Variants in PACRG observed in about 807,000 individuals in gnomAD.
The protein encoded by PACRG is parkin coregulated, also known as parkin coregulated gene protein.
In PACRG, 29 loss-of-function variants were observed where a neutral mutation model predicts 29.7. The ratio of observed to expected loss-of-function variants is 0.98; its 90% CI spans 0.73 to 1.33. The LOEUF (loss-of-function observed/expected upper bound fraction) is 1.33. PACRG is among the 40% of genes most tolerant of loss of function. The pLI, the probability that PACRG is intolerant of heterozygous loss-of-function variation, is 0.00. For synonymous variants in PACRG, 116 were observed against 118.7 expected, an observed-to-expected ratio of 0.98 and a Z score of 0.15; for missense variants, 279 against 316.2, an observed-to-expected ratio of 0.88 and a Z score of 0.89.
chr6:162,743,001 G>A (rs1391844934), intron 1 of PACRG, among the ~76,000 whole-genome samples: 1 of 152,138 alleles, frequency 6.6e-6, no homozygotes, highest in Admixed American at 6.5e-5. Context: ...CAGTGTGCAA[G>A]GGTTCCCATT....
intron 1 of PACRG, among the ~76,000 whole-genome samples, chr6:162,810,610 AACCAAATAG>A (rs1442939180): frequency 4.6e-5 from 7 of 152,342 alleles, no homozygotes; most frequent in Non-Finnish European, 1.0e-4. Flanking sequence ...TATAAAGATG[AACCAAATAG>A]AAATTGTAGA....
intron 2 of PACRG, among the ~76,000 whole-genome samples, chr6:162,983,417 T>C (rs958145039): frequency 6.6e-6 from 1 of 152,002 alleles, no homozygotes; most frequent in Non-Finnish European, 1.5e-5. Flanking sequence ...GTGAGATTTA[T>C]GCTTCAGGAG....
intron 4 of PACRG, among the ~76,000 whole-genome samples, chr6:163,279,165 C>G (rs982006085): frequency 1.3e-5 from 2 of 152,170 alleles, no homozygotes; most frequent in Admixed American, 6.5e-5. Flanking sequence ...AGCAGAGCTA[C>G]TGATTTGTGT....
intron 2 of PACRG, among the ~76,000 whole-genome samples, chr6:162,986,262 T>A (rs901264382): frequency 1.3e-5 from 2 of 152,116 alleles, no homozygotes; most frequent in African/African-American, 4.8e-5. Context: ...AAAGCAGGAC[T>A]AAGCAAAAAG....
chr6:163,144,781 A>G (rs1777729075), intron 4 of PACRG, among the ~76,000 whole-genome samples: 2 of 152,186 alleles, frequency 1.3e-5, no homozygotes, highest in African/African-American at 2.4e-5. Flanking sequence ...AAGAAAAAAA[A>G]AGTAAGCACA....
intron 4 of PACRG, among the ~76,000 whole-genome samples, chr6:163,288,795 A>G (rs1784483799): frequency 6.6e-6 from 1 of 152,238 alleles, no homozygotes. Context: ...TTAGTTCTAC[A>G]GAATATCTAA....
chr6:163,000,503 CCT>C (rs1804487933), intron 2 of PACRG, among the ~76,000 whole-genome samples: 1 of 152,072 alleles, frequency 6.6e-6, no homozygotes, highest in Non-Finnish European at 1.5e-5. Context: ...GTGGTGGCAT[CCT>C]TATAGCATCA....
chr6:163,267,514 A>G (rs1365869609), intron 4 of PACRG, among the ~76,000 whole-genome samples: 1 of 152,262 alleles, frequency 6.6e-6, no homozygotes, highest in East Asian at 1.9e-4. Flanking sequence ...CAATTAATGA[A>G]AAGCGTAAGT....
intron 4 of PACRG, among the ~76,000 whole-genome samples, chr6:163,122,281 G>A (rs985784045): frequency 2.1e-5 from 2 of 93,596 alleles, no homozygotes; most frequent in African/African-American, 4.6e-5. Flanking sequence ...CTGCTTTAAC[G>A]CATTTACACA....
chr6:162,924,053 T>C (rs190340973), intron 2 of PACRG, among the ~76,000 whole-genome samples: 82 of 152,180 alleles, frequency 5.4e-4, no homozygotes, highest in South Asian at 2.7e-3. Flanking sequence ...TGGGGTCTTC[T>C]TCAATTTCTT....
At chr6:163,187,997 A>C (rs531398342) in intron 4 of PACRG, 1 of 152,362 alleles carries the variant, frequency 6.6e-6, no homozygotes, top group South Asian at 2.1e-4. Flanking sequence ...GGGAGAGTTA[A>C]AAAGTCCCAA....
At chr6:162,898,671 AG>A (rs1455555158) in intron 2 of PACRG, among the ~76,000 whole-genome samples, 1 of 152,228 alleles carries the variant, frequency 6.6e-6, no homozygotes, top group East Asian at 1.9e-4. Flanking sequence ...CCTACCTCAC[AG>A]GGATATTGTA....
upstream of PACRG, chr6:162,727,706 GCC>G: frequency 6.4e-7 from 1 of 1,558,500 alleles, no homozygotes. Flanking sequence ...CCAGGAACAG[GCC>G]CATGCGCGCA....
chr6:162,842,381 GGTTTA>G (rs1789869234), intron 2 of PACRG, among the ~76,000 whole-genome samples: 1 of 148,534 alleles, frequency 6.7e-6, no homozygotes, highest in African/African-American at 2.5e-5. Flanking sequence ...GATCTTTGTT[GGTTTA>G]AAGTCTGTTT....
At chr6:163,079,572 G>A (rs1812878705) in intron 3 of PACRG, among the ~76,000 whole-genome samples, 1 of 152,108 alleles carries the variant, frequency 6.6e-6, no homozygotes, top group South Asian at 2.1e-4. Context: ...TAGCTTGGCT[G>A]GCCTTATTCC....
intron 1 of PACRG, among the ~76,000 whole-genome samples, chr6:162,803,335 A>G (rs2128343044): frequency 6.6e-6 from 1 of 152,296 alleles, no homozygotes; most frequent in Non-Finnish European, 1.5e-5. Flanking sequence ...CTAATGCTTG[A>G]AGGGCCTGTG....
At chr6:163,273,086 G>T (rs897446602) in intron 4 of PACRG, among the ~76,000 whole-genome samples, 1 of 147,144 alleles carries the variant, frequency 6.8e-6, no homozygotes. Flanking sequence ...GTAGAGACGG[G>T]GTTTCACCGT....
chr6:163,165,756 C>G (rs996228218), intron 4 of PACRG: 5 of 250,592 alleles, frequency 2.0e-5, no homozygotes, highest in Admixed American at 1.6e-4. Flanking sequence ...GGGAGGGAGC[C>G]TGGCAGAAAG....
intron 1 of PACRG, among the ~76,000 whole-genome samples, chr6:162,729,388 T>C (rs1032638706): frequency 6.6e-6 from 1 of 152,218 alleles, no homozygotes; most frequent in African/African-American, 2.4e-5. Flanking sequence ...CCTGATAACT[T>C]ATTCCTAAAC....
Sources: allele counts gnomAD v4.1 joint callset (sites outside exome capture counted in the v4.1 genomes callset), GRCh38; gene constraint gnomAD v4.1.1; transcripts MANE v1.5; gene names NCBI Gene and HGNC (gene_info 2026-07-23, HGNC 2026-07-21).